The following UGGT1 variants were observed in gnomAD, a reference collection of about 807,000 sequenced individuals.
UGGT1 encodes UDP-glucose:glycoprotein glucosyltransferase 1.
A neutral mutation model predicts 203.9 loss-of-function variants in UGGT1; 107 were observed. The ratio of observed to expected loss-of-function variants is 0.52; its 90% CI spans 0.45 to 0.62. The LOEUF (loss-of-function observed/expected upper bound fraction) is 0.62. UGGT1 is among the 20% of genes least tolerant of loss of function. The pLI is 0.00. For synonymous variants in UGGT1, 628 were observed against 653.5 expected (o/e 0.96, Z 0.59); for missense variants, 1,673 against 1,867.2 (o/e 0.90, Z 1.92).
chr2:128,132,220 AT>A (rs1021642050), intron 13 of UGGT1, among the ~76,000 whole-genome samples: 1 of 138,598 alleles, frequency 7.2e-6, no homozygotes, highest in East Asian at 2.1e-4. Context: ...TTTTTTTCCG[AT>A]TTTTTTTTAC....
At chr2:128,092,116 A>G (rs1370095018) in intron 1 of UGGT1, among the ~76,000 whole-genome samples, 1 of 152,142 alleles carries the variant, frequency 6.6e-6, no homozygotes, top group African/African-American at 2.4e-5. Context: ...TTGCCAGCCA[A>G]TTTTAGTGTA....
chr2:128,161,521 A>G (rs995592523), intron 25 of UGGT1, among the ~76,000 whole-genome samples: 1 of 152,156 alleles, frequency 6.6e-6, no homozygotes, highest in African/African-American at 2.4e-5. Context: ...GGTTGTGGAA[A>G]ATTTCAAATA....
intron 38 of UGGT1, among the ~76,000 whole-genome samples, chr2:128,184,462 C>G (rs892541015): frequency 6.6e-6 from 1 of 152,070 alleles, no homozygotes; most frequent in Non-Finnish European, 1.5e-5. Context: ...AAGCAAATAC[C>G]CAGATACCAC....
intron 19 of UGGT1, among the ~76,000 whole-genome samples, chr2:128,153,365 T>G (rs1345178143): frequency 6.6e-6 from 1 of 152,120 alleles, no homozygotes; most frequent in Non-Finnish European, 1.5e-5. Flanking sequence ...GCCATAAAAC[T>G]CAACCTTTTA....
At chr2:128,169,101 C>A (rs1690958684) in intron 26 of UGGT1, among the ~76,000 whole-genome samples, 1 of 120,246 alleles carries the variant, frequency 8.3e-6, no homozygotes, top group Admixed American at 1.0e-4. Context: ...AGACAAGGAC[C>A]AGGTGTGGTG....
intron 13 of UGGT1, 75 bp downstream of exon 13, chr2:128,129,254 T>A (rs1241668333): frequency 2.0e-6 from 3 of 1,506,732 alleles, no homozygotes; most frequent in Non-Finnish European, 2.7e-6. Context: ...TTGTCTCTTA[T>A]GAGGGTGAAG....
intron 24 of UGGT1, 115 bp downstream of exon 24, chr2:128,160,706 G>C (rs1295274550): frequency 7.0e-7 from 1 of 1,418,516 alleles, no homozygotes; most frequent in African/African-American, 1.5e-5. Context: ...AAGGTGATTG[G>C]GGCTTATGAA....
intron 18 of UGGT1, among the ~76,000 whole-genome samples, chr2:128,147,271 T>G (rs1324104678): frequency 1.3e-5 from 2 of 152,258 alleles, no homozygotes; most frequent in Non-Finnish European, 2.9e-5. Flanking sequence ...TAAAATCTGC[T>G]ATTGAGCCTC....
chr2:128,176,018 C>T (rs567982318), intron 31 of UGGT1, among the ~76,000 whole-genome samples: 17 of 152,340 alleles, frequency 1.1e-4, no homozygotes, highest in African/African-American at 3.6e-4. Context: ...TTTCTGGTAG[C>T]GTATAGACAC....
intron 21 of UGGT1, 41 bp from the exon 22 acceptor site, chr2:128,157,211 T>G (rs746274222): frequency 1.4e-6 from 2 of 1,402,270 alleles, no homozygotes; most frequent in Admixed American, 1.7e-5. Context: ...AGAATGTGCT[T>G]CTCTCCTCTG....
chr2:128,093,059 C>T (rs557944686), intron 1 of UGGT1, among the ~76,000 whole-genome samples: 1 of 152,298 alleles, frequency 6.6e-6, no homozygotes, highest in African/African-American at 2.4e-5. Context: ...ACGTCTGCTT[C>T]TCTGGACAGT....
intron 1 of UGGT1, among the ~76,000 whole-genome samples, chr2:128,094,021 G>T (rs989239140): frequency 1.3e-5 from 2 of 152,108 alleles, no homozygotes; most frequent in Non-Finnish European, 2.9e-5. Flanking sequence ...AAATGCTGGG[G>T]TTTCCTCAGG....
chr2:128,187,963 TGTCA>T (rs1265204038), intron 40 of UGGT1, among the ~76,000 whole-genome samples: 1 of 151,862 alleles, frequency 6.6e-6, no homozygotes, highest in Non-Finnish European at 1.5e-5. Flanking sequence ...TCATTAAATC[TGTCA>T]GTGTACTAGT....
In UGGT1 at chr2:128,091,202, C is replaced by G. The variant is rs1411076754; in HGVS notation, c.-156C>G. 2 of 814,010 alleles carry G rather than the reference C, an allele frequency of 2.5e-6. No individual in the cohort carries two copies. The highest frequency in any genetic ancestry group is 3.6e-6 in the Non-Finnish European group (2 of 550,532). The allele number at this position is 814,010 out of a possible 1,614,324, so 50.4% of individuals were successfully genotyped here. On this transcript the variant is annotated 5_prime_UTR_variant, in exon 1 of 41. Coordinates refer to ENST00000259253, the MANE Select transcript of UGGT1 (RefSeq NM_020120.4). Reference sequence around the variant, plus strand: ...GCGGAAGTAAAAGGGCGGCCGGCAGCTGGGCAATTGCTTTGCGAGGCTGGG... The same window carrying G: ...GCGGAAGTAAAAGGGCGGCCGGCAGGTGGGCAATTGCTTTGCGAGGCTGGG...
intron 18 of UGGT1, among the ~76,000 whole-genome samples, chr2:128,150,812 C>T (rs1689924718): frequency 6.6e-6 from 1 of 151,982 alleles, no homozygotes; most frequent in South Asian, 2.1e-4. Flanking sequence ...GTCACCATCT[C>T]CTCAGGCACA....
rs1179388606 is a variant in UGGT1, at chr2:128,172,490, C to G, written c.3105-83C>G. ...TCCTCCAAATCTAATTTGTTTTAAC[C>G]AGTTGTTACCTGTGTAAGGGCTGTG... On this transcript the variant is annotated intron_variant, in intron 28 of 40. Coordinates refer to ENST00000259253, the MANE Select transcript of UGGT1 (RefSeq NM_020120.4). 7.6e-6 allele frequency: 11 copies of G among 1,441,928 alleles called. No homozygotes were observed. In the East Asian group the frequency reaches 2.5e-4, roughly 33 times the overall value. 89.3% of individuals were successfully genotyped at this position (1,441,928 alleles called of 1,614,324 possible).
intron 3 of UGGT1, 98 bp downstream of exon 3, chr2:128,104,112 A>C (rs996697465): frequency 2.4e-5 from 21 of 876,338 alleles, no homozygotes; most frequent in Admixed American, 1.8e-4. Context: ...AGTTAATGGA[A>C]AACATTGTTG....
intron 33 of UGGT1, among the ~76,000 whole-genome samples, chr2:128,178,263 T>C (rs963588059): frequency 6.6e-6 from 1 of 152,190 alleles, no homozygotes; most frequent in Admixed American, 6.5e-5. Context: ...AAAACAACAC[T>C]GTCGGAGAGT....
intron 38 of UGGT1, among the ~76,000 whole-genome samples, chr2:128,185,312 G>C (rs573660812): frequency 6.7e-6 from 1 of 148,874 alleles, no homozygotes; most frequent in Non-Finnish European, 1.5e-5. Context: ...GGATTACAGA[G>C]GCGTGCCACC....
Sources: gnomAD v4.1 joint callset for allele counts (sites outside exome capture counted in the v4.1 genomes callset) on GRCh38, gnomAD v4.1.1 for gene constraint, MANE v1.5 for transcripts, NCBI Gene and HGNC (gene_info 2026-07-23, HGNC 2026-07-21) for gene names.